The following CARMIL1 variants were observed in gnomAD, a reference collection of about 807,000 sequenced individuals.
CARMIL1 encodes the protein F-actin-uncapping protein LRRC16A.
CARMIL1 carries 90 observed loss-of-function variants against 177.1 expected under a neutral mutation model. That is an observed-to-expected ratio of 0.51 (90% CI 0.43 to 0.61). The LOEUF (loss-of-function observed/expected upper bound fraction) is 0.61, where lower values mean the gene tolerates loss of function less well. Ranked by LOEUF, CARMIL1 falls within the 20% of genes least tolerant of loss-of-function variation. The pLI, the probability that CARMIL1 is intolerant of heterozygous loss-of-function variation, is 0.00. For missense variants in CARMIL1, 1,380 were observed against 1,667.0 expected, an observed-to-expected ratio of 0.83 and a Z score of 3.00; for synonymous variants, 577 against 606.2, an observed-to-expected ratio of 0.95 and a Z score of 0.71.
intron 11 of CARMIL1, among the ~76,000 whole-genome samples, chr6:25,475,761 C>A (rs395935): frequency 0.16 from 24,222 of 152,028 alleles, 2,060 homozygotes; most frequent in Non-Finnish European, 0.19. Flanking sequence ...AATTTGAGGC[C>A]CTTTGTTTTC....
At chr6:25,568,068 C>T (rs1811707345) in intron 29 of CARMIL1, among the ~76,000 whole-genome samples, 1 of 152,152 alleles carries the variant, frequency 6.6e-6, no homozygotes, top group South Asian at 2.1e-4. Flanking sequence ...TGGTTTTTAG[C>T]TTTGGCCTTT....
intron 17 of CARMIL1, among the ~76,000 whole-genome samples, chr6:25,503,692 C>G (rs530230167): frequency 1.3e-4 from 20 of 152,322 alleles, no homozygotes; most frequent in Non-Finnish European, 2.4e-4. Flanking sequence ...CAGTTGAAAT[C>G]GTAGCAGCTT....
intron 35 of CARMIL1, among the ~76,000 whole-genome samples, chr6:25,606,533 G>C (rs1815993210): frequency 6.6e-6 from 1 of 152,204 alleles, no homozygotes; most frequent in African/African-American, 2.4e-5. Flanking sequence ...AGGTTAGTTT[G>C]TAGGCAAGAC....
intron 24 of CARMIL1, among the ~76,000 whole-genome samples, chr6:25,531,123 C>G (rs1215319813): frequency 6.6e-6 from 1 of 151,954 alleles, no homozygotes; most frequent in Non-Finnish European, 1.5e-5. Flanking sequence ...ATTCGTAAAT[C>G]AAAAACATAA....
intron 29 of CARMIL1, among the ~76,000 whole-genome samples, chr6:25,568,594 T>C (rs1811776881): frequency 6.6e-6 from 1 of 152,208 alleles, no homozygotes; most frequent in Non-Finnish European, 1.5e-5. Flanking sequence ...GGTTTTTATC[T>C]GAAAGCAGCT....
intron 33 of CARMIL1, among the ~76,000 whole-genome samples, chr6:25,602,108 C>T (rs1201006995): frequency 6.6e-6 from 1 of 152,220 alleles, no homozygotes; most frequent in African/African-American, 2.4e-5. Context: ...AACTCCACTT[C>T]CCACCTGATC....
At position 25,442,759 on chromosome 6, in the gene CARMIL1, C is replaced by T. The variant is rs1410109550; in HGVS notation, c.372-7139C>T. Among the ~76,000 whole-genome samples the T allele has an allele frequency of 3.9e-5, 6 of 152,076 alleles. No homozygotes were observed. The East Asian group carries it at 1.2e-3, about 29-fold the overall frequency. On this transcript the variant is annotated intron_variant, in intron 5 of 36. Coordinates refer to ENST00000329474, the MANE Select transcript of CARMIL1 (RefSeq NM_017640.6). ...AAGAAAAATGAGAACTGTAAAGAAG[C>T]GGAGCTACTTGAAAAGGCCCCGCTG...
chr6:25,347,482 A>G (rs1787634908), intron 2 of CARMIL1, among the ~76,000 whole-genome samples: 1 of 152,224 alleles, frequency 6.6e-6, no homozygotes. Flanking sequence ...AACCAGAGTG[A>G]AGAAGATTCA....
intron 24 of CARMIL1, among the ~76,000 whole-genome samples, chr6:25,535,657 C>A (rs1233934493): frequency 3.3e-5 from 5 of 152,170 alleles, no homozygotes; most frequent in Non-Finnish European, 5.9e-5. Context: ...AACGGGGTAA[C>A]CCAAGAGATT....
intron 2 of CARMIL1, among the ~76,000 whole-genome samples, chr6:25,376,793 G>T (rs1791031762): frequency 6.6e-6 from 1 of 152,186 alleles, no homozygotes; most frequent in Non-Finnish European, 1.5e-5. Context: ...AATCAGTTGT[G>T]GCTAAAGCAG....
intron 21 of CARMIL1, among the ~76,000 whole-genome samples, chr6:25,516,697 C>T (rs1390878530): frequency 6.6e-6 from 1 of 152,076 alleles, no homozygotes; most frequent in African/African-American, 2.4e-5. Flanking sequence ...TCCTAAATAC[C>T]CCTGAAGTAT....
chr6:25,572,193 C>A (rs1227738398), intron 29 of CARMIL1, among the ~76,000 whole-genome samples: 1 of 150,702 alleles, frequency 6.6e-6, no homozygotes, highest in Admixed American at 6.6e-5. Context: ...TTTTTTTTTT[C>A]TGTGTTTGTG....
In CARMIL1 at chr6:25,493,667, C is replaced by G. The variant is rs548868049; in HGVS notation, c.1221-1444C>G. ...AAGTCATACACATCATTTCTGCTCA[C>G]GTCTCACTGGCCAAAGAGAGTCACA... On this transcript the variant is annotated intron_variant, in intron 15 of 36. Coordinates refer to ENST00000329474, the MANE Select transcript of CARMIL1 (RefSeq NM_017640.6). 9.5e-4 allele frequency among the ~76,000 whole-genome samples: 144 copies of G among 152,290 alleles called. 1 individual carries two copies. The highest frequency in any genetic ancestry group is 1.8e-3 in the Non-Finnish European group (121 of 68,020).
chr6:25,603,926 C>T (rs1028771753), intron 33 of CARMIL1, among the ~76,000 whole-genome samples: 1 of 152,062 alleles, frequency 6.6e-6, no homozygotes, highest in East Asian at 1.9e-4. Flanking sequence ...AAAATTTATT[C>T]GGTCCTGTTC....
chr6:25,372,227 G>C (rs1376957319), intron 2 of CARMIL1, among the ~76,000 whole-genome samples: 1 of 151,804 alleles, frequency 6.6e-6, no homozygotes, highest in Non-Finnish European at 1.5e-5. Flanking sequence ...GATTGTTTTG[G>C]CTATTCAGGT....
intron 2 of CARMIL1, among the ~76,000 whole-genome samples, chr6:25,341,268 G>T (rs1786906204): frequency 6.6e-6 from 1 of 152,176 alleles, no homozygotes; most frequent in Non-Finnish European, 1.5e-5. Flanking sequence ...TCTGAGACTT[G>T]CAGAAGGTGC....
chr6:25,288,144 G>T (rs1314185494), intron 2 of CARMIL1, among the ~76,000 whole-genome samples: 1 of 152,236 alleles, frequency 6.6e-6, no homozygotes, highest in Non-Finnish European at 1.5e-5. Context: ...GCTTAAGCTG[G>T]CGTTCACTGG....
At chr6:25,353,884 G>C (rs1234609545) in intron 2 of CARMIL1, among the ~76,000 whole-genome samples, 3 of 152,188 alleles carry the variant, frequency 2.0e-5, no homozygotes, top group Non-Finnish European at 4.4e-5. Flanking sequence ...TAGTCTAAGA[G>C]TGCTTCTCCG....
At chr6:25,478,752 C>T (rs1013595956) in intron 11 of CARMIL1, among the ~76,000 whole-genome samples, 7 of 151,496 alleles carry the variant, frequency 4.6e-5, no homozygotes, top group Non-Finnish European at 7.4e-5. Context: ...GCCGAGATCG[C>T]GCCTCTGCAC....
Sources: gnomAD v4.1 joint callset for allele counts (sites outside exome capture counted in the v4.1 genomes callset) on GRCh38, gnomAD v4.1.1 for gene constraint, MANE v1.5 for transcripts, NCBI Gene and HGNC (gene_info 2026-07-23, HGNC 2026-07-21) for gene names.